The following TEX9 variants were observed in gnomAD, a reference collection of about 807,000 sequenced individuals.
The protein encoded by TEX9 is testis-expressed protein 9.
A neutral mutation model predicts 59.6 loss-of-function variants in TEX9; 74 were observed. The ratio of observed to expected loss-of-function variants is 1.24; its 90% CI spans 1.03 to 1.51. The LOEUF is 1.51. TEX9 is among the 40% of genes most tolerant of loss of function. The pLI, the probability that TEX9 is intolerant of heterozygous loss-of-function variation, is 0.00. For synonymous variants in TEX9, 186 were observed against 152.2 expected, an observed-to-expected ratio of 1.22 and a Z score of -1.64; for missense variants, 522 against 447.8, an observed-to-expected ratio of 1.17 and a Z score of -1.49.
intron 4 of TEX9, among the ~76,000 whole-genome samples, chr15:56,384,279 C>A (rs1028594294): frequency 6.6e-6 from 1 of 152,054 alleles, no homozygotes; most frequent in African/African-American, 2.4e-5. Flanking sequence ...AGTACATAAT[C>A]GATGTGAATA....
intron 1 of TEX9, chr15:56,274,430 T>C (rs2044622179): frequency 6.6e-6 from 1 of 152,222 alleles, no homozygotes. Flanking sequence ...TGTCAGATAA[T>C]TGTAATGTCT....
At chr15:56,276,150 T>C (rs1049200666) in intron 1 of TEX9, among the ~76,000 whole-genome samples, 4 of 152,168 alleles carry the variant, frequency 2.6e-5, no homozygotes, top group Non-Finnish European at 5.9e-5. Flanking sequence ...TCTAAACTTT[T>C]TTTTTAATTT....
At chr15:56,332,222 A>G (rs1256424735) in intron 1 of TEX9, among the ~76,000 whole-genome samples, 2 of 147,564 alleles carry the variant, frequency 1.4e-5, no homozygotes, top group African/African-American at 5.0e-5. Context: ...AACCAACCCA[A>G]ATGTCCAACA....
intron 1 of TEX9, among the ~76,000 whole-genome samples, chr15:56,338,401 G>T (rs2046300223): frequency 6.6e-6 from 1 of 152,158 alleles, no homozygotes; most frequent in African/African-American, 2.4e-5. Flanking sequence ...TATCAGACCT[G>T]CAGGTTTTGG....
Position 56,334,857 on chromosome 15 carries a change from A to AC in TEX9, c.-106-38583dup, listed in dbSNP as rs561295441. 1.8e-3 allele frequency among the ~76,000 whole-genome samples: 270 copies of AC among 152,336 alleles called. 1 individual carries two copies. The highest frequency in any genetic ancestry group is 6.3e-3 in the African/African-American group (260 of 41,568). ...TTAAATGGGCAAAGGATCTGAATAGACATTTCTCAAAAGAAGACATACAAA... is the reference window on the plus strand; with the variant it reads ...TTAAATGGGCAAAGGATCTGAATAGACCATTTCTCAAAAGAAGACATACAAA... On this transcript the variant is annotated intron_variant, in intron 1 of 5. Transcript: ENST00000560827.
At position 56,429,184 on chromosome 15, in the gene TEX9, T is replaced by A. The variant is rs200992458; in HGVS notation, c.*29+711T>A. The A allele has an allele frequency of 1.0e-5, 16 of 1,589,908 alleles. No homozygotes were observed. In the East Asian group the frequency reaches 1.1e-4, roughly 11 times the overall value. ...AGCAGATCAATATCATCCTCTTTTTTAAATACTCCCTACGAGAAAAATACT... is the reference window on the plus strand; with the variant it reads ...AGCAGATCAATATCATCCTCTTTTTAAAATACTCCCTACGAGAAAAATACT... On this transcript the variant is annotated intron_variant, in intron 12 of 12. Coordinates refer to ENST00000352903, the Ensembl canonical transcript of TEX9.
chr15:56,270,320 C>A (rs150121400), intron 1 of TEX9, among the ~76,000 whole-genome samples: 343 of 152,310 alleles, frequency 2.3e-3, no homozygotes, highest in African/African-American at 7.9e-3. Context: ...CTTTATGAAT[C>A]TGGGTGCTCC....
At chr15:56,418,876 A>C (rs1277068648) in intron 10 of TEX9, among the ~76,000 whole-genome samples, 1 of 151,912 alleles carries the variant, frequency 6.6e-6, no homozygotes, top group Non-Finnish European at 1.5e-5. Context: ...ACATCCAATG[A>C]GCATTTATTA....
the TEX9 span, among the ~76,000 whole-genome samples, chr15:56,453,003 A>G: frequency 2.0e-5 from 3 of 152,150 alleles, no homozygotes; most frequent in African/African-American, 7.2e-5. Flanking sequence ...GGAATAATCA[A>G]TTCCTATTAT....
chr15:56,377,184 A>G (rs1399395982), intron 3 of TEX9, among the ~76,000 whole-genome samples: 1 of 152,114 alleles, frequency 6.6e-6, no homozygotes, highest in African/African-American at 2.4e-5. Flanking sequence ...GAAGCCAGGT[A>G]ATGTGATTTC....
intron 1 of TEX9, among the ~76,000 whole-genome samples, chr15:56,350,354 A>T (rs140418013): frequency 6.6e-6 from 1 of 152,210 alleles, no homozygotes; most frequent in African/African-American, 2.4e-5. Context: ...TAATGATAGG[A>T]TGATTTTGGA....
At chr15:56,434,077 G>A (rs2050672416) in intron 12 of TEX9, 2 of 1,515,150 alleles carry the variant, frequency 1.3e-6, no homozygotes, top group Admixed American at 3.9e-5. Flanking sequence ...TTTAGTGGAT[G>A]ATAGATGAGC....
intron 10 of TEX9, among the ~76,000 whole-genome samples, chr15:56,413,466 T>C (rs1253011562): frequency 6.6e-6 from 1 of 151,372 alleles, no homozygotes; most frequent in Non-Finnish European, 1.5e-5. Flanking sequence ...TAGTGTAACA[T>C]AGATTCACAC....
intron 9 of TEX9, 105 bp from the exon 10 acceptor site, chr15:56,412,197 G>A: frequency 9.3e-7 from 1 of 1,073,826 alleles, no homozygotes; most frequent in Non-Finnish European, 1.3e-6. Context: ...TGTGTGTAAA[G>A]TTTGAGAGAA....
chr15:56,326,486 A>G (rs1480179766), intron 1 of TEX9, among the ~76,000 whole-genome samples: 1 of 152,224 alleles, frequency 6.6e-6, no homozygotes, highest in Non-Finnish European at 1.5e-5. Context: ...TACATAAATA[A>G]TCTGAGTTAT....
chr15:56,369,552 C>G (rs2047096970), intron 2 of TEX9, among the ~76,000 whole-genome samples: 1 of 151,988 alleles, frequency 6.6e-6, no homozygotes, highest in Non-Finnish European at 1.5e-5. Context: ...CCAGGCTGGT[C>G]TTTAACTCCT....
chr15:56,312,989 T>C (rs1197979276), intron 1 of TEX9, among the ~76,000 whole-genome samples: 1 of 132,964 alleles, frequency 7.5e-6, no homozygotes, highest in Non-Finnish European at 1.6e-5. Context: ...TTTTGTACAT[T>C]GATTTTGTAT....
intron 10 of TEX9, among the ~76,000 whole-genome samples, chr15:56,417,560 G>A (rs925785970): frequency 8.3e-6 from 1 of 119,968 alleles, no homozygotes; most frequent in African/African-American, 3.2e-5. Context: ...GAGTGTGTTT[G>A]GTATGATTTC....
intron 1 of TEX9, among the ~76,000 whole-genome samples, chr15:56,254,876 A>G (rs1418177707): frequency 1.3e-5 from 2 of 151,756 alleles, no homozygotes; most frequent in Non-Finnish European, 2.9e-5. Flanking sequence ...TGATCCCAGA[A>G]ATTTAAAAAC....
Sources: allele counts gnomAD v4.1 joint callset (sites outside exome capture counted in the v4.1 genomes callset), GRCh38; gene constraint gnomAD v4.1.1; transcripts MANE v1.5; gene names NCBI Gene and HGNC (gene_info 2026-07-23, HGNC 2026-07-21).